The following KCNK1 variants were observed in gnomAD, a reference collection of about 807,000 sequenced individuals.
The protein encoded by KCNK1 is potassium two pore domain channel subfamily K member 1, also known as potassium channel subfamily K member 1.
A neutral mutation model predicts 22.2 loss-of-function variants in KCNK1; 10 were observed. That is an observed-to-expected ratio of 0.45 (90% CI 0.28 to 0.76). The LOEUF (loss-of-function observed/expected upper bound fraction) is 0.76. Among genes scored for constraint, KCNK1 ranks in the 30% least tolerant of loss-of-function variants. The pLI is 0.14. For synonymous variants in KCNK1, 200 were observed against 186.4 expected (o/e 1.07, Z -0.60); for missense variants, 378 against 421.0 (o/e 0.90, Z 0.89).
rs183978070 is a variant in KCNK1, at chr1:233,644,397, G to A, written c.356-22198G>A. Reference sequence around the variant, plus strand: ...TTAAGCACATACTTCTGACTAAGCAGCTCTTAGCACTTAGGCATACAATGA... The same window carrying A: ...TTAAGCACATACTTCTGACTAAGCAACTCTTAGCACTTAGGCATACAATGA... On this transcript the variant is annotated intron_variant, in intron 1 of 2. Coordinates refer to ENST00000366621, the MANE Select transcript of KCNK1 (RefSeq NM_002245.4). 1.5e-3 allele frequency among the ~76,000 whole-genome samples: 221 copies of A among 152,308 alleles called. 1 individual carries two copies. Among genetic ancestry groups the A allele is most frequent in the South Asian group, 0.011 (51 of 4,826 alleles).
intron 1 of KCNK1, among the ~76,000 whole-genome samples, chr1:233,628,723 C>T (rs1029335816): frequency 6.9e-6 from 1 of 145,532 alleles, no homozygotes; most frequent in Non-Finnish European, 1.5e-5. Context: ...TGTACCACTG[C>T]ACTCCAAGCC....
At chr1:233,667,040 T>TATTC (rs1417427437) in intron 2 of KCNK1, 50 bp downstream of exon 2, 3 of 1,261,740 alleles carry the variant, frequency 2.4e-6, no homozygotes, top group Non-Finnish European at 3.1e-6. Context: ...TTATTTTATT[T>TATTC]ATTTATTTAT....
intron 2 of KCNK1, among the ~76,000 whole-genome samples, chr1:233,669,495 CCT>C (rs1362027574): frequency 1.3e-5 from 2 of 152,040 alleles, no homozygotes; most frequent in Admixed American, 6.5e-5. Context: ...ATAAAATACC[CCT>C]GTTTTTGTCT....
chr1:233,631,076 A>G (rs1231675512), intron 1 of KCNK1, among the ~76,000 whole-genome samples: 1 of 152,226 alleles, frequency 6.6e-6, no homozygotes, highest in Admixed American at 6.5e-5. Flanking sequence ...TGAGCCCTAT[A>G]ATAATGTCAC....
At chr1:233,619,867 G>A (rs954230529) in intron 1 of KCNK1, among the ~76,000 whole-genome samples, 54 of 135,440 alleles carry the variant, frequency 4.0e-4, no homozygotes, top group Admixed American at 1.8e-3. Context: ...CCAAGATCAC[G>A]CCACTGCACA....
chr1:233,638,373 C>G (rs1264716060), intron 1 of KCNK1, among the ~76,000 whole-genome samples: 3 of 151,490 alleles, frequency 2.0e-5, no homozygotes, highest in African/African-American at 4.9e-5. Context: ...AAAAATGGCT[C>G]TTTTCCTTGT....
chr1:233,626,906 TA>T (rs1331479436), intron 1 of KCNK1, among the ~76,000 whole-genome samples: 3 of 152,164 alleles, frequency 2.0e-5, no homozygotes, highest in South Asian at 2.1e-4. Flanking sequence ...AAAGAATAAA[TA>T]AATATCTCCA....
At chr1:233,655,955 CTTAT>C (rs1399315837) in intron 1 of KCNK1, among the ~76,000 whole-genome samples, 3 of 151,542 alleles carry the variant, frequency 2.0e-5, no homozygotes, top group East Asian at 3.9e-4. Context: ...AGCTCTTTAA[CTTAT>C]GCTTGGTGGT....
chr1:233,667,792 A>T (rs1007990146), intron 2 of KCNK1, among the ~76,000 whole-genome samples: 3 of 150,790 alleles, frequency 2.0e-5, no homozygotes, highest in South Asian at 4.2e-4. Context: ...ACTGTTAATT[A>T]AAAAAAAAGA....
intron 1 of KCNK1, among the ~76,000 whole-genome samples, chr1:233,653,231 T>C (rs757900361): frequency 8.5e-5 from 13 of 152,318 alleles, no homozygotes; most frequent in Admixed American, 2.6e-4. Context: ...CTTGATTCCT[T>C]TGTGTCCTGA....
chr1:233,671,170 TAACA>T, intron 2 of KCNK1, 97 bp from the exon 3 acceptor site: 1 of 1,101,904 alleles, frequency 9.1e-7, no homozygotes, highest in Non-Finnish European at 1.3e-6. Context: ...GTTTATTCCT[TAACA>T]AACACTGTGT....
At chr1:233,636,357 G>A (rs114369094) in intron 1 of KCNK1, among the ~76,000 whole-genome samples, 2 of 152,196 alleles carry the variant, frequency 1.3e-5, no homozygotes, top group Non-Finnish European at 2.9e-5. Context: ...AGAGATCTCC[G>A]TGGCTTGGGC....
At chr1:233,618,826 G>A (rs1657529462) in intron 1 of KCNK1, among the ~76,000 whole-genome samples, 1 of 152,080 alleles carries the variant, frequency 6.6e-6, no homozygotes, top group Non-Finnish European at 1.5e-5. Flanking sequence ...GGAGGTTGCA[G>A]TGAGCCAAGA....
chr1:233,614,953 A>T (rs1001684406), intron 1 of KCNK1, among the ~76,000 whole-genome samples: 1 of 152,168 alleles, frequency 6.6e-6, no homozygotes, highest in Non-Finnish European at 1.5e-5. Flanking sequence ...CAGCGGGATG[A>T]TGGAAACTCA....
intron 1 of KCNK1, among the ~76,000 whole-genome samples, chr1:233,632,402 A>G (rs1657815124): frequency 6.6e-6 from 1 of 152,164 alleles, no homozygotes. Context: ...TTTTGACCAG[A>G]TAGGATGGTA....
chr1:233,616,308 G>A (rs1035553043), intron 1 of KCNK1, among the ~76,000 whole-genome samples: 1 of 152,164 alleles, frequency 6.6e-6, no homozygotes, highest in Non-Finnish European at 1.5e-5. Context: ...GAGGAAAAAG[G>A]TTTGCTTTTA....
At chr1:233,648,050 A>G (rs989825844) in intron 1 of KCNK1, among the ~76,000 whole-genome samples, 1 of 152,260 alleles carries the variant, frequency 6.6e-6, no homozygotes, top group Non-Finnish European at 1.5e-5. Context: ...ATCTGAAGAT[A>G]TTATGGAATC....
chr1:233,654,207 G>A (rs897997677), intron 1 of KCNK1, among the ~76,000 whole-genome samples: 1 of 151,744 alleles, frequency 6.6e-6, no homozygotes, highest in Admixed American at 6.6e-5. Context: ...GGGGTGGGGG[G>A]GAAAGGGAAG....
rs374750782 is a variant in KCNK1 at position 233,614,571 on chromosome 1, C to T, written c.355+45C>T. Reference sequence around the variant, plus strand: ...CCCTGGCCGCCCCGGCCACCTCGCCCACAACCCACACACCCCGGCCCCGGC... The same window carrying T: ...CCCTGGCCGCCCCGGCCACCTCGCCTACAACCCACACACCCCGGCCCCGGC... On this transcript the variant is annotated intron_variant, in intron 1 of 2. Transcript: ENST00000366621. The T allele has an allele frequency of 4.5e-4, 643 of 1,441,262 alleles. 2 individuals are homozygous for T. In the African/African-American group the frequency reaches 8.3e-3, roughly 19 times the overall value. The allele number at this position is 1,441,262 out of a possible 1,614,324, so 89.3% of individuals were successfully genotyped here. A position where few individuals can be genotyped will look rare whatever the true frequency, so the allele number is the denominator to read the frequency against.
Sources: allele counts gnomAD v4.1 joint callset (sites outside exome capture counted in the v4.1 genomes callset), GRCh38; gene constraint gnomAD v4.1.1; transcripts MANE v1.5; gene names NCBI Gene and HGNC (gene_info 2026-07-23, HGNC 2026-07-21).